RPS6KC1: variants seen among roughly 807,000 people sequenced by gnomAD.
The protein encoded by RPS6KC1 is inactive ribosomal protein S6 kinase delta-1.
In RPS6KC1, 54 loss-of-function variants were observed where a neutral mutation model predicts 103.8. The observed-to-expected ratio is 0.52, with a 90% CI of 0.42 to 0.65. The LOEUF (loss-of-function observed/expected upper bound fraction) is 0.65. Among genes scored for constraint, RPS6KC1 ranks in the 30% least tolerant of loss-of-function variants. The pLI, the probability that RPS6KC1 is intolerant of heterozygous loss-of-function variation, is 0.00. For synonymous variants in RPS6KC1, 439 were observed against 438.7 expected (o/e 1.00, Z -0.01); for missense variants, 1,151 against 1,253.8 (o/e 0.92, Z 1.24).
intron 10 of RPS6KC1, 75 bp from the exon 11 acceptor site, chr1:213,240,627 T>G: frequency 7.8e-7 from 1 of 1,277,080 alleles, no homozygotes; most frequent in Non-Finnish European, 1.1e-6. Context: ...ATAGTTTTTG[T>G]TTTTCTAATG....
At chr1:213,188,235 G>T (rs945254322) in intron 8 of RPS6KC1, among the ~76,000 whole-genome samples, 8 of 151,950 alleles carry the variant, frequency 5.3e-5, no homozygotes, top group African/African-American at 1.9e-4. Flanking sequence ...TCCTGCTTGG[G>T]AACCCAAGAT....
the RPS6KC1 span, among the ~76,000 whole-genome samples, chr1:213,394,037 C>T: frequency 1.3e-5 from 2 of 152,012 alleles, no homozygotes; most frequent in Non-Finnish European, 2.9e-5. Flanking sequence ...GACATGGAGC[C>T]GTGGACAGGT....
At chr1:213,696,922 G>A in the RPS6KC1 span, among the ~76,000 whole-genome samples, 1 of 152,028 alleles carries the variant, frequency 6.6e-6, no homozygotes, top group African/African-American at 2.4e-5. Context: ...TGGAGGGCTC[G>A]GTCCCACAAG....
the RPS6KC1 span, among the ~76,000 whole-genome samples, chr1:213,379,231 G>A: frequency 3.3e-5 from 5 of 152,156 alleles, no homozygotes; most frequent in Non-Finnish European, 5.9e-5. Flanking sequence ...ATATGATGAA[G>A]TCCTAATCCC....
Position 213,144,720 on chromosome 1 carries a change from T to C in RPS6KC1, c.835+14831T>C, listed in dbSNP as rs373462179. Among the ~76,000 whole-genome samples the C allele has an allele frequency of 4.0e-4, 61 of 152,126 alleles. No homozygotes were observed. The East Asian group carries it at 9.6e-3, about 24-fold the overall frequency. ...CTTTAATAACTGTCTACAACAGCAG[T>C]GTACAATAGCAATATCATATCAACA... On this transcript the variant is annotated intron_variant, in intron 6 of 14. Coordinates refer to ENST00000366960, the MANE Select transcript of RPS6KC1 (RefSeq NM_012424.6).
chr1:213,516,570 G>A, the RPS6KC1 span, among the ~76,000 whole-genome samples: 4 of 152,160 alleles, frequency 2.6e-5, no homozygotes, highest in Admixed American at 2.6e-4. Flanking sequence ...TTGCATCCCA[G>A]GGATGAAGCC....
At chr1:213,696,837 T>C in the RPS6KC1 span, among the ~76,000 whole-genome samples, 1 of 152,168 alleles carries the variant, frequency 6.6e-6, no homozygotes, top group Non-Finnish European at 1.5e-5. Flanking sequence ...ATTTCTCCAG[T>C]GGACACCAGC....
chr1:213,566,991 G>A, the RPS6KC1 span, among the ~76,000 whole-genome samples: 1 of 152,188 alleles, frequency 6.6e-6, no homozygotes, highest in African/African-American at 2.4e-5. Flanking sequence ...ATGTATGGTT[G>A]GTGGACATTT....
chr1:213,232,192 G>A lies in RPS6KC1; in HGVS notation c.1162G>A (p.Val388Met). 1 of 1,614,036 alleles carries A rather than the reference G, an allele frequency of 6.2e-7. No individual in the cohort carries two copies. Among genetic ancestry groups the A allele is most frequent in the Non-Finnish European group, 8.5e-7 (1 of 1,179,920 alleles). The change falls in exon 10 of 15, where the codon GTG becomes ATG. Residue 388 changes from valine (V) to methionine (M), a missense_variant. Val to Met is a conservative substitution (Grantham distance 21). This residue lies in a region of RPS6KC1 where 959 missense variants were observed against 1,006.3 expected (regional missense o/e 0.95). Coordinates refer to ENST00000366960, the MANE Select transcript of RPS6KC1 (RefSeq NM_012424.6). ...TIIPRCVPNM[V>M]CLHKYIISEE... ...CATCCCCCGCTGTGTGCCCAACATG[G>A]TGTGTCTGCATAAGTACATCATCTC...
At chr1:213,585,246 C>T in the RPS6KC1 span, among the ~76,000 whole-genome samples, 4 of 152,146 alleles carry the variant, frequency 2.6e-5, no homozygotes, top group Non-Finnish European at 4.4e-5. Flanking sequence ...GCTCTCATTC[C>T]CTAGCCCCAT....
At chr1:213,071,345 T>G (rs1040196148) in intron 2 of RPS6KC1, among the ~76,000 whole-genome samples, 5 of 152,142 alleles carry the variant, frequency 3.3e-5, no homozygotes, top group African/African-American at 1.2e-4. Context: ...GCCAGGCTGG[T>G]CTCGAATTCC....
At chr1:213,599,199 G>C in the RPS6KC1 span, among the ~76,000 whole-genome samples, 1 of 152,294 alleles carries the variant, frequency 6.6e-6, no homozygotes, top group Non-Finnish European at 1.5e-5. Context: ...GGTTGCATTT[G>C]TTATAAACAG....
At position 213,188,557 on chromosome 1, in the gene RPS6KC1, G is replaced by A. The variant is rs755898883; in HGVS notation, c.1044+12065G>A. 5.1e-4 allele frequency among the ~76,000 whole-genome samples: 78 copies of A among 152,010 alleles called. 1 individual carries two copies. The highest frequency in any genetic ancestry group is 9.3e-4 in the Non-Finnish European group (63 of 68,020). On this transcript the variant is annotated intron_variant, in intron 8 of 14. Coordinates refer to ENST00000366960, the MANE Select transcript of RPS6KC1 (RefSeq NM_012424.6). ...TTGTTTTTCTATTGGAGAGGGGGGC[G>A]TGAAAACAGCTTGCACTTATATTTC...
the RPS6KC1 span, among the ~76,000 whole-genome samples, chr1:213,365,118 T>C: frequency 1.3e-5 from 2 of 152,242 alleles, no homozygotes; most frequent in Non-Finnish European, 2.9e-5. Flanking sequence ...TTCTCGAATT[T>C]TCCTAGCCTC....
chr1:213,077,599 A>G (rs1217644745), intron 2 of RPS6KC1, 97 bp from the exon 3 acceptor site: 2 of 684,752 alleles, frequency 2.9e-6, no homozygotes, highest in Non-Finnish European at 4.6e-6. Flanking sequence ...TTGCCTTTGC[A>G]TGACAATTTT....
chr1:213,470,447 G>A, the RPS6KC1 span, among the ~76,000 whole-genome samples: 15 of 152,100 alleles, frequency 9.9e-5, no homozygotes, highest in African/African-American at 3.6e-4. Context: ...CTTCATGGAT[G>A]ATGTTCTGTG....
chr1:213,562,725 G>A, the RPS6KC1 span, among the ~76,000 whole-genome samples: 1 of 152,058 alleles, frequency 6.6e-6, no homozygotes, highest in South Asian at 2.1e-4. Context: ...GTGCAGTGGT[G>A]TAATGAGAGC....
intron 8 of RPS6KC1, among the ~76,000 whole-genome samples, chr1:213,225,007 G>A (rs754667551): frequency 3.3e-5 from 5 of 152,344 alleles, no homozygotes; most frequent in African/African-American, 4.8e-5. Flanking sequence ...CTTGTTAGCA[G>A]GAGTGCTGGT....
chr1:213,556,759 T>C, the RPS6KC1 span, among the ~76,000 whole-genome samples: 54 of 152,326 alleles, frequency 3.5e-4, no homozygotes, highest in African/African-American at 1.3e-3. Flanking sequence ...CCTTGAGCCA[T>C]GGTAGAGAAT....
Sources: allele counts gnomAD v4.1 joint callset (sites outside exome capture counted in the v4.1 genomes callset), GRCh38; gene constraint gnomAD v4.1.1; regional missense constraint gnomAD v4.1.1; transcripts MANE v1.5; gene names NCBI Gene and HGNC (gene_info 2026-07-23, HGNC 2026-07-21).